DPP6: variants seen among roughly 807,000 people sequenced by gnomAD.
DPP6 encodes A-type potassium channel modulatory protein DPP6.
In DPP6, 69 loss-of-function variants were observed where a neutral mutation model predicts 122.6. The observed-to-expected ratio is 0.56, with a 90% CI of 0.46 to 0.69. DPP6 has a LOEUF of 0.69. Ranked by LOEUF, DPP6 falls within the 30% of genes least tolerant of loss-of-function variation. The pLI is 0.00. For synonymous variants in DPP6, 418 were observed against 433.1 expected, an observed-to-expected ratio of 0.97 and a Z score of 0.43; for missense variants, 928 against 1,116.9, an observed-to-expected ratio of 0.83 and a Z score of 2.41.
intron 5 of DPP6, among the ~76,000 whole-genome samples, chr7:154,602,040 T>G (rs1833427954): frequency 8.2e-6 from 1 of 121,446 alleles, no homozygotes; most frequent in Non-Finnish European, 1.9e-5. Context: ...TCTTTATGCT[T>G]CTCTCTTCTG....
At chr7:154,313,685 G>GTGTGTGTGTATGTATATATATA in intron 1 of DPP6, among the ~76,000 whole-genome samples, 1 of 20,468 alleles carries the variant, frequency 4.9e-5, no homozygotes, top group African/African-American at 1.3e-4. Context: ...TTAAGATATG[G>GTGTGTGTGTATGTATATATATA]TATATATATA....
chr7:154,126,394 C>T (rs1207032952), intron 1 of DPP6, among the ~76,000 whole-genome samples: 1 of 152,118 alleles, frequency 6.6e-6, no homozygotes, highest in Non-Finnish European at 1.5e-5. Context: ...CACATTGAGA[C>T]AGATGAAAAC....
At chr7:153,842,716 A>G in the DPP6 span, among the ~76,000 whole-genome samples, 1 of 152,180 alleles carries the variant, frequency 6.6e-6, no homozygotes, top group Admixed American at 6.5e-5. Context: ...TTTTGAAGTA[A>G]TGATTTCTTC....
chr7:154,079,921 A>G (rs1803868068), intron 1 of DPP6, among the ~76,000 whole-genome samples: 1 of 151,594 alleles, frequency 6.6e-6, no homozygotes, highest in Non-Finnish European at 1.5e-5. Context: ...CTGGTCTGTG[A>G]TATAGTGTGT....
chr7:154,687,898 A>G (rs1036548625), intron 7 of DPP6, among the ~76,000 whole-genome samples: 1 of 152,140 alleles, frequency 6.6e-6, no homozygotes, highest in African/African-American at 2.4e-5. Flanking sequence ...GGAATAATCA[A>G]TTGTCCCAGA....
chr7:154,645,827 G>A (rs1465353261), intron 6 of DPP6, among the ~76,000 whole-genome samples: 3 of 151,934 alleles, frequency 2.0e-5, no homozygotes, highest in Non-Finnish European at 2.9e-5. Context: ...AGGAGATCAA[G>A]ACCAGCCTGG....
chr7:154,082,695 A>AT (rs1202369757), intron 1 of DPP6, among the ~76,000 whole-genome samples: 2 of 151,774 alleles, frequency 1.3e-5, no homozygotes, highest in East Asian at 3.9e-4. Context: ...CTCAGTTTGC[A>AT]TTTCAAGGCT....
At chr7:154,103,869 G>A (rs985873099) in intron 1 of DPP6, among the ~76,000 whole-genome samples, 1 of 152,174 alleles carries the variant, frequency 6.6e-6, no homozygotes, top group African/African-American at 2.4e-5. Flanking sequence ...GTTTGCCGGG[G>A]GCTCTCCAGC....
At chr7:154,070,819 T>C (rs1343743797) in intron 1 of DPP6, among the ~76,000 whole-genome samples, 1 of 152,176 alleles carries the variant, frequency 6.6e-6, no homozygotes, top group Non-Finnish European at 1.5e-5. Context: ...GAATTACCCA[T>C]GGGCCAAACT....
intron 5 of DPP6, among the ~76,000 whole-genome samples, chr7:154,608,349 A>G (rs1208079573): frequency 1.4e-5 from 2 of 139,156 alleles, no homozygotes; most frequent in African/African-American, 5.4e-5. Flanking sequence ...ATATTTTGAG[A>G]TGGAATCTCG....
At position 154,499,631 on chromosome 7, in the gene DPP6, T is replaced by A. The variant is rs182082419; in HGVS notation, c.457+24594T>A. ...TTTTAGTATATTTTGGTTAAAAAAATTCTGTGATGTTTAAAATTAGGGAAT... is the reference window on the plus strand; with the variant it reads ...TTTTAGTATATTTTGGTTAAAAAAAATCTGTGATGTTTAAAATTAGGGAAT... On this transcript the variant is annotated intron_variant, in intron 3 of 25. Coordinates refer to ENST00000377770, the MANE Select transcript of DPP6 (RefSeq NM_130797.4). Among the ~76,000 whole-genome samples the A allele has an allele frequency of 1.8e-4, 27 of 151,748 alleles. 1 individual carries two copies. The highest frequency in any genetic ancestry group is 6.1e-4 in the African/African-American group (25 of 41,022).
intron 5 of DPP6, chr7:154,588,134 G>A: frequency 6.4e-7 from 1 of 1,563,754 alleles, no homozygotes; most frequent in East Asian, 2.3e-5. Context: ...AACACTGGTG[G>A]AGAGAGACAC....
intron 17 of DPP6, among the ~76,000 whole-genome samples, chr7:154,858,713 C>T (rs771458578): frequency 6.6e-6 from 1 of 152,198 alleles, no homozygotes; most frequent in Non-Finnish European, 1.5e-5. Context: ...GCTCTGCTTC[C>T]TGCAGCAGCT....
chr7:154,668,199 A>ATC (rs1838297143), intron 6 of DPP6, among the ~76,000 whole-genome samples: 1 of 80,898 alleles, frequency 1.2e-5, no homozygotes, highest in Non-Finnish European at 2.6e-5. Flanking sequence ...TGTATATTTT[A>ATC]TATATATATA....
chr7:153,862,284 C>A, the DPP6 span, among the ~76,000 whole-genome samples: 1 of 152,248 alleles, frequency 6.6e-6, no homozygotes. Context: ...ATACCTCCTA[C>A]TGTGCTACCA....
At chr7:154,031,602 T>G (rs547209714) in intron 1 of DPP6, among the ~76,000 whole-genome samples, 25 of 151,816 alleles carry the variant, frequency 1.6e-4, no homozygotes, top group African/African-American at 5.3e-4. Flanking sequence ...TACCCCTATT[T>G]GATAAGCTTT....
rs553134353 is a variant in DPP6, at chr7:154,725,053, G to C, written c.763-2714G>C. 1.3e-5 allele frequency among the ~76,000 whole-genome samples: 2 copies of C among 152,072 alleles called. 1 individual carries two copies. The highest frequency in any genetic ancestry group is 4.1e-4 in the South Asian group (2 of 4,824). ...CCAGAACTCCACAATCTTCCTATCA[G>C]ACCACTGTCCTGCTTAGAGTCTGGC... On this transcript the variant is annotated intron_variant, in intron 7 of 25. Transcript: ENST00000377770.
intron 16 of DPP6, among the ~76,000 whole-genome samples, chr7:154,809,302 G>A (rs1244793786): frequency 2.0e-5 from 3 of 152,034 alleles, no homozygotes; most frequent in Non-Finnish European, 4.4e-5. Flanking sequence ...GAGCTTGGGG[G>A]GTTAGGAGGT....
intron 1 of DPP6, among the ~76,000 whole-genome samples, chr7:153,973,632 CGTGTGTGTGT>C (rs773321136): frequency 0.041 from 4,698 of 113,468 alleles, 97 homozygotes; most frequent in South Asian, 0.078. Context: ...CACCATCGCT[CGTGTGTGTGT>C]GTGTGTGTGT....
Sources: allele counts gnomAD v4.1 joint callset (sites outside exome capture counted in the v4.1 genomes callset), GRCh38; gene constraint gnomAD v4.1.1; transcripts MANE v1.5; gene names NCBI Gene and HGNC (gene_info 2026-07-23, HGNC 2026-07-21).